NPAS3: variants seen among roughly 807,000 people sequenced by gnomAD.
The protein encoded by NPAS3 is neuronal PAS domain-containing protein 3.
A neutral mutation model predicts 73.1 loss-of-function variants in NPAS3; 14 were observed. The observed-to-expected ratio is 0.19, with a 90% confidence interval of 0.13 to 0.30. The LOEUF is 0.30. Ranked by LOEUF, NPAS3 falls within the 10% of genes least tolerant of loss-of-function variation. The pLI is 1.00. For synonymous variants in NPAS3, 620 were observed against 541.5 expected, an observed-to-expected ratio of 1.14 and a Z score of -2.01; for missense variants, 1,096 against 1,250.0, an observed-to-expected ratio of 0.88 and a Z score of 1.86.
chr14:33,572,555 G>A (rs773837726), intron 5 of NPAS3, among the ~76,000 whole-genome samples: 1 of 152,144 alleles, frequency 6.6e-6, no homozygotes, highest in Non-Finnish European at 1.5e-5. Context: ...ATACAACAAG[G>A]AAGTGGCAGA....
intron 7 of NPAS3, among the ~76,000 whole-genome samples, chr14:33,765,541 C>T (rs969842164): frequency 1.3e-5 from 2 of 152,070 alleles, no homozygotes; most frequent in African/African-American, 4.8e-5. Flanking sequence ...GATAAAGGAG[C>T]GTGCACAGGA....
At position 33,486,144 on chromosome 14, in the gene NPAS3, AT is replaced by A. The variant is rs754446145; in HGVS notation, c.469-73963del. ...CATCTTTTACCCATGGAAGGAATGC[AT>A]TTTTTTTTTTTTTAATTCTCACAAA... On this transcript the variant is annotated intron_variant, in intron 4 of 11. Transcript: ENST00000356141. Among the ~76,000 whole-genome samples the A allele has an allele frequency of 5.4e-3, 767 of 141,978 alleles. 1 individual carries two copies. The highest frequency in any genetic ancestry group is 0.015 in the Middle Eastern group (4 of 264). 93.1% of individuals were successfully genotyped at this position (141,978 alleles called of 152,430 possible). A position where few individuals can be genotyped will look rare whatever the true frequency, so the allele number is the denominator to read the frequency against.
At chr14:33,196,800 G>C (rs1323391934) in intron 2 of NPAS3, among the ~76,000 whole-genome samples, 1 of 152,178 alleles carries the variant, frequency 6.6e-6, no homozygotes, top group African/African-American at 2.4e-5. Context: ...GCTTATAGAA[G>C]TCTTTGTTAA....
At chr14:33,729,861 G>A (rs2061359115) in intron 6 of NPAS3, among the ~76,000 whole-genome samples, 1 of 152,054 alleles carries the variant, frequency 6.6e-6, no homozygotes, top group Non-Finnish European at 1.5e-5. Flanking sequence ...AGAATTTGTA[G>A]CATTTTAAAA....
chr14:32,989,878 T>A (rs1224481736), intron 1 of NPAS3, among the ~76,000 whole-genome samples: 1 of 152,142 alleles, frequency 6.6e-6, no homozygotes, highest in Non-Finnish European at 1.5e-5. Context: ...CGGAAGGAGA[T>A]ATCAGTGTGA....
chr14:33,775,159 A>T (rs759099951), intron 8 of NPAS3, among the ~76,000 whole-genome samples: 2 of 152,132 alleles, frequency 1.3e-5, no homozygotes, highest in African/African-American at 2.4e-5. Flanking sequence ...ATTAAGCACA[A>T]AGCAAGGGAC....
chr14:32,996,673 G>A (rs1307626055), intron 1 of NPAS3, among the ~76,000 whole-genome samples: 2 of 152,192 alleles, frequency 1.3e-5, no homozygotes, highest in Non-Finnish European at 2.9e-5. Context: ...TGTTGAGCCT[G>A]CCAGTCCACA....
At chr14:33,732,152 T>A (rs142892462) in intron 6 of NPAS3, among the ~76,000 whole-genome samples, 1 of 152,332 alleles carries the variant, frequency 6.6e-6, no homozygotes, top group Admixed American at 6.5e-5. Context: ...TATAGAGCAC[T>A]ATTCCTAAGG....
In NPAS3 at chr14:33,665,835, G is replaced by A. The variant is rs535197529; in HGVS notation, c.559-10376G>A. On this transcript the variant is annotated intron_variant, in intron 5 of 11. Transcript: ENST00000356141. ...ATTAATTAAAATTCCAAAATGCACC[G>A]TGGGTTTTGTGTTCACCTACTGGGA... 1.6e-4 allele frequency among the ~76,000 whole-genome samples: 24 copies of A among 152,046 alleles called. No homozygotes were observed. The East Asian group carries it at 3.7e-3, about 23-fold the overall frequency.
intron 3 of NPAS3, among the ~76,000 whole-genome samples, chr14:33,246,839 C>CAAAAAAAAAAAAAAAAAAAA (rs571439161): frequency 1.6e-5 from 1 of 61,954 alleles, no homozygotes; most frequent in African/African-American, 7.8e-5. Context: ...ATTAAAAATA[C>CAAAAAAAAAAAAAAAAAAAA]AAAAAAAAAA....
At chr14:33,565,415 A>T (rs890610724) in intron 5 of NPAS3, among the ~76,000 whole-genome samples, 3 of 152,236 alleles carry the variant, frequency 2.0e-5, no homozygotes, top group African/African-American at 7.2e-5. Flanking sequence ...GAAGAATTAG[A>T]TTCCCCTGAT....
chr14:33,207,398 C>T (rs922640283), intron 2 of NPAS3, among the ~76,000 whole-genome samples: 6 of 152,082 alleles, frequency 3.9e-5, no homozygotes, highest in African/African-American at 1.4e-4. Context: ...GAAGTGTTCA[C>T]CCATCTCTGA....
chr14:33,277,864 A>T (rs1182694649), intron 3 of NPAS3, among the ~76,000 whole-genome samples: 1 of 152,108 alleles, frequency 6.6e-6, no homozygotes, highest in East Asian at 1.9e-4. Flanking sequence ...TATAGACCTG[A>T]TCTGAGTGAT....
At chr14:33,285,781 G>A (rs10142091) in intron 3 of NPAS3, among the ~76,000 whole-genome samples, 107 of 151,930 alleles carry the variant, frequency 7.0e-4, no homozygotes, top group Admixed American at 2.0e-4. Flanking sequence ...TTCCCCTACC[G>A]TTGCTCCCTT....
Position 33,726,153 on chromosome 14 carries a change from A to G in NPAS3, c.734-9061A>G, listed in dbSNP as rs1259536701. 2.0e-5 allele frequency among the ~76,000 whole-genome samples: 3 copies of G among 152,296 alleles called. No homozygotes were observed. In the East Asian group the frequency reaches 5.8e-4, roughly 29 times the overall value. ...TCTATTTTCACCCCCAAAATTCTCC[A>G]AAGAGAAATGTATCATTTATTCACT... On this transcript the variant is annotated intron_variant, in intron 6 of 11. Transcript: ENST00000356141.
At chr14:33,539,646 A>G (rs972145250) in intron 4 of NPAS3, among the ~76,000 whole-genome samples, 3 of 152,140 alleles carry the variant, frequency 2.0e-5, no homozygotes, top group African/African-American at 7.2e-5. Context: ...TCCCACAAAA[A>G]GAAGTGAAAG....
intron 3 of NPAS3, among the ~76,000 whole-genome samples, chr14:33,353,269 T>G (rs1335507341): frequency 6.6e-6 from 1 of 152,250 alleles, no homozygotes; most frequent in Non-Finnish European, 1.5e-5. Context: ...CATTTTAGTT[T>G]CCTTTGATGA....
chr14:33,374,710 G>GC (rs1234228931), intron 4 of NPAS3, among the ~76,000 whole-genome samples: 1 of 149,222 alleles, frequency 6.7e-6, no homozygotes, highest in Non-Finnish European at 1.5e-5. Flanking sequence ...GGGGCGGGGG[G>GC]GGGAGTAGAG....
intron 5 of NPAS3, among the ~76,000 whole-genome samples, chr14:33,663,965 G>A (rs577572992): frequency 3.1e-4 from 45 of 146,778 alleles, no homozygotes; most frequent in Admixed American, 1.7e-3. Context: ...GGTCTATTTC[G>A]TTAATCTTTT....
Sources: allele counts gnomAD v4.1 joint callset (sites outside exome capture counted in the v4.1 genomes callset), GRCh38; gene constraint gnomAD v4.1.1; transcripts MANE v1.5; gene names NCBI Gene and HGNC (gene_info 2026-07-23, HGNC 2026-07-21).